FGD4: variants seen among roughly 807,000 people sequenced by gnomAD.
FGD4 encodes FYVE, RhoGEF and PH domain containing 4.
In FGD4, 42 loss-of-function variants were observed where a neutral mutation model predicts 102.0. The ratio of observed to expected loss-of-function variants is 0.41; its 90% CI spans 0.32 to 0.53. The LOEUF is 0.53. Among genes scored for constraint, FGD4 ranks in the 20% least tolerant of loss-of-function variants. FGD4 has a pLI of 0.21. For missense variants in FGD4, 902 were observed against 1,078.2 expected (o/e 0.84, Z 2.29); for synonymous variants, 380 against 375.7 (o/e 1.01, Z -0.13).
intron 1 of FGD4, among the ~76,000 whole-genome samples, chr12:32,529,995 A>G (rs1390757595): frequency 1.3e-5 from 2 of 152,130 alleles, no homozygotes; most frequent in South Asian, 2.1e-4. Context: ...TTATTTTTAA[A>G]CATTGTAGAT....
At chr12:32,525,636 C>T (rs1057462036) in intron 1 of FGD4, among the ~76,000 whole-genome samples, 21 of 152,220 alleles carry the variant, frequency 1.4e-4, no homozygotes, top group South Asian at 6.2e-4. Context: ...TGGCCAAGGC[C>T]GGAGCCCACT....
intron 1 of FGD4, among the ~76,000 whole-genome samples, chr12:32,509,261 A>C (rs1167534984): frequency 1.1e-5 from 1 of 92,562 alleles, no homozygotes; most frequent in African/African-American, 5.0e-5. Context: ...TTTTTTTTTG[A>C]GTTAGCCATT....
chr12:32,576,811 C>T (rs1240034695), intron 3 of FGD4, among the ~76,000 whole-genome samples: 1 of 152,048 alleles, frequency 6.6e-6, no homozygotes, highest in Non-Finnish European at 1.5e-5. Flanking sequence ...AAAGTCTGAG[C>T]GGATGCCTCT....
chr12:32,467,574 C>G (rs1238817378), intron 1 of FGD4, among the ~76,000 whole-genome samples: 2 of 152,210 alleles, frequency 1.3e-5, no homozygotes, highest in Non-Finnish European at 2.9e-5. Flanking sequence ...TATTACTGCT[C>G]TTACAGAAAC....
At chr12:32,438,878 G>T (rs545117600) in intron 1 of FGD4, among the ~76,000 whole-genome samples, 49 of 152,258 alleles carry the variant, frequency 3.2e-4, no homozygotes, top group Non-Finnish European at 6.6e-4. Context: ...AAAGTGCTGG[G>T]ATTACAGGCG....
At chr12:32,604,559 T>G (rs762607313) in intron 7 of FGD4, among the ~76,000 whole-genome samples, 4 of 152,230 alleles carry the variant, frequency 2.6e-5, no homozygotes, top group Non-Finnish European at 5.9e-5. Flanking sequence ...ATTACTGTAT[T>G]TTTCACATCT....
chr12:32,604,219 C>CT, intron 7 of FGD4, among the ~76,000 whole-genome samples: 1 of 151,710 alleles, frequency 6.6e-6, no homozygotes, highest in Middle Eastern at 3.4e-3. Context: ...GTTGGTTGAG[C>CT]TTTTTGCATT....
chr12:32,598,033 A>G (rs1052943504), intron 4 of FGD4, among the ~76,000 whole-genome samples: 1 of 152,128 alleles, frequency 6.6e-6, no homozygotes, highest in Non-Finnish European at 1.5e-5. Context: ...TGCTCAAGTG[A>G]TCCTCCCTCC....
intron 1 of FGD4, among the ~76,000 whole-genome samples, chr12:32,518,410 G>A (rs1940132130): frequency 1.3e-5 from 2 of 152,028 alleles, no homozygotes; most frequent in East Asian, 1.9e-4. Flanking sequence ...CCCGGTAGTC[G>A]GAGGTTGTGG....
At chr12:32,620,793 G>A (rs1318410583) in intron 11 of FGD4, among the ~76,000 whole-genome samples, 1 of 149,294 alleles carries the variant, frequency 6.7e-6, no homozygotes, top group East Asian at 2.0e-4. Flanking sequence ...CGCCTCCCGG[G>A]TTCACGCCAT....
At chr12:32,528,579 T>C (rs1363597398) in intron 1 of FGD4, among the ~76,000 whole-genome samples, 1 of 151,822 alleles carries the variant, frequency 6.6e-6, no homozygotes, top group Non-Finnish European at 1.5e-5. Context: ...TTAGTAGAGA[T>C]GAGGTTTCAC....
chr12:32,537,696 T>C (rs1942415389), intron 1 of FGD4, among the ~76,000 whole-genome samples: 1 of 152,212 alleles, frequency 6.6e-6, no homozygotes, highest in African/African-American at 2.4e-5. Context: ...TACCTTAGGA[T>C]TTTTGTAGTT....
intron 10 of FGD4, among the ~76,000 whole-genome samples, chr12:32,616,191 C>T (rs78775076): frequency 2.4e-4 from 36 of 152,296 alleles, no homozygotes; most frequent in Middle Eastern, 3.4e-3. Context: ...ACTCTGAGCT[C>T]TGGGTCTAAC....
At chr12:32,412,682 C>G (rs1191309243) in intron 1 of FGD4, among the ~76,000 whole-genome samples, 4 of 152,088 alleles carry the variant, frequency 2.6e-5, no homozygotes, top group Non-Finnish European at 4.4e-5. Context: ...GATGTCAGCT[C>G]ACTGCAACCT....
In FGD4 at chr12:32,610,806, G is replaced by A. The variant is rs1949089655; in HGVS notation, c.1574G>A (p.Ser525Asn). 1 of 1,613,582 alleles carries A rather than the reference G, an allele frequency of 6.2e-7. No homozygotes were observed. Among genetic ancestry groups the A allele is most frequent in the African/African-American group, 1.3e-5 (1 of 75,002 alleles). Residue 525 changes from serine (S) to asparagine (N), a missense_variant, in exon 9 of 17, where the codon AGC (serine) becomes AAC (asparagine). Physicochemically the swap from Ser to Asn is conservative, Grantham distance 46 (BLOSUM62 1). This residue lies in a region of FGD4 where 459 missense variants were observed against 619.0 expected (regional missense o/e 0.74). Transcript: ENST00000534526. ...KSLEIISTAA[S>N]HSNSAIRKME... ...CTTGAAATTATATCTACAGCAGCAA[G>A]CCATTCTAATAGTGCAATAAGGAAA...
chr12:32,545,572 C>T (rs1222255064), intron 1 of FGD4, among the ~76,000 whole-genome samples: 1 of 152,204 alleles, frequency 6.6e-6, no homozygotes, highest in Admixed American at 6.5e-5. Context: ...AATGTGTATT[C>T]TAGTAAAACT....
chr12:32,502,267 A>AACAAATGAAGGGAGTTTT, intron 1 of FGD4: 1 of 985,454 alleles, frequency 1.0e-6, no homozygotes, highest in South Asian at 4.7e-5. Flanking sequence ...TCGCTGGAAG[A>AACAAATGAAGGGAGTTTT]ACAAATGAAG....
chr12:32,620,323 A>T (rs1040046893), intron 11 of FGD4, among the ~76,000 whole-genome samples: 8 of 152,138 alleles, frequency 5.3e-5, no homozygotes, highest in Non-Finnish European at 1.2e-4. Context: ...TGTTCATAAG[A>T]GGCAAGGTGG....
intron 10 of FGD4, among the ~76,000 whole-genome samples, chr12:32,612,348 G>T (rs1416522270): frequency 6.6e-6 from 1 of 152,156 alleles, no homozygotes; most frequent in Non-Finnish European, 1.5e-5. Flanking sequence ...CTCCAGGCTC[G>T]CCTTTGGCAG....
Sources: gnomAD v4.1 joint callset for allele counts (sites outside exome capture counted in the v4.1 genomes callset) on GRCh38, gnomAD v4.1.1 for gene constraint, gnomAD v4.1.1 regional missense constraint, MANE v1.5 for transcripts, NCBI Gene and HGNC (gene_info 2026-07-23, HGNC 2026-07-21) for gene names.